The following SNTG2 variants were observed in gnomAD, a reference collection of about 807,000 sequenced individuals.
The protein encoded by SNTG2 is syntrophin gamma 2.
In SNTG2, 74 loss-of-function variants were observed where a neutral mutation model predicts 70.9. The ratio of observed to expected loss-of-function variants is 1.04; its 90% CI spans 0.86 to 1.27. SNTG2 has a LOEUF of 1.27. SNTG2 is among the 50% of genes most tolerant of loss of function. The pLI, the probability that SNTG2 is intolerant of heterozygous loss-of-function variation, is 0.00. For synonymous variants in SNTG2, 278 were observed against 273.8 expected (o/e 1.02, Z -0.15); for missense variants, 717 against 690.7 (o/e 1.04, Z -0.43).
chr2:1,200,179 A>C (rs1427374232), intron 8 of SNTG2, among the ~76,000 whole-genome samples: 3 of 152,006 alleles, frequency 2.0e-5, no homozygotes, highest in African/African-American at 7.2e-5. Context: ...CACAGAGACC[A>C]ATAAAATATA....
chr2:1,179,688 A>C (rs1671729007), intron 8 of SNTG2, among the ~76,000 whole-genome samples: 1 of 151,858 alleles, frequency 6.6e-6, no homozygotes, highest in East Asian at 1.9e-4. Context: ...GCTACCAATG[A>C]CTTTCTTCAC....
intron 1 of SNTG2, among the ~76,000 whole-genome samples, chr2:1,019,814 C>T (rs183810363): frequency 2.9e-3 from 437 of 151,972 alleles, no homozygotes; most frequent in African/African-American, 0.01. Context: ...TTTGGGAGGC[C>T]GAGGCAGGTG....
chr2:1,025,617 G>A (rs887329655), intron 1 of SNTG2, among the ~76,000 whole-genome samples: 27 of 152,164 alleles, frequency 1.8e-4, no homozygotes, highest in African/African-American at 5.3e-4. Flanking sequence ...TCCTGGCTAC[G>A]TCCTCCATCT....
intron 1 of SNTG2, among the ~76,000 whole-genome samples, chr2:953,978 G>A (rs961173360): frequency 1.3e-5 from 2 of 152,022 alleles, no homozygotes; most frequent in African/African-American, 2.4e-5. Flanking sequence ...TGCAGTTCTC[G>A]GTGACAGAGG....
intron 13 of SNTG2, among the ~76,000 whole-genome samples, chr2:1,264,143 C>T (rs981196572): frequency 2.6e-5 from 4 of 152,132 alleles, no homozygotes; most frequent in Admixed American, 6.5e-5. Flanking sequence ...TTAGAGATGT[C>T]GTGAATTCAT....
intron 1 of SNTG2, among the ~76,000 whole-genome samples, chr2:978,721 A>G (rs149851063): frequency 5.3e-5 from 8 of 152,286 alleles, no homozygotes; most frequent in Non-Finnish European, 8.8e-5. Flanking sequence ...AATGTGTGCA[A>G]TAAGCGGATG....
intron 1 of SNTG2, among the ~76,000 whole-genome samples, chr2:976,907 T>C (rs1170968230): frequency 1.3e-5 from 2 of 152,178 alleles, no homozygotes; most frequent in Non-Finnish European, 2.9e-5. Context: ...AGAGGCAGCC[T>C]CAGCCAAGGC....
intron 13 of SNTG2, among the ~76,000 whole-genome samples, chr2:1,266,107 G>C (rs1375703757): frequency 6.6e-6 from 1 of 152,022 alleles, no homozygotes; most frequent in Non-Finnish European, 1.5e-5. Flanking sequence ...ATAAAATAGA[G>C]AAACAGAATG....
intron 14 of SNTG2, among the ~76,000 whole-genome samples, chr2:1,269,231 C>T (rs955069328): frequency 2.6e-5 from 4 of 152,062 alleles, no homozygotes; most frequent in Non-Finnish European, 4.4e-5. Context: ...AGTCTGCGCA[C>T]GGTGGTTCAT....
At chr2:1,348,956 G>A (rs968546577) in intron 16 of SNTG2, among the ~76,000 whole-genome samples, 1 of 152,210 alleles carries the variant, frequency 6.6e-6, no homozygotes, top group Non-Finnish European at 1.5e-5. Flanking sequence ...GCACAAAACA[G>A]CCAATACAAT....
chr2:1,257,329 G>C (rs1678177584), intron 12 of SNTG2, among the ~76,000 whole-genome samples: 1 of 152,172 alleles, frequency 6.6e-6, no homozygotes, highest in Admixed American at 6.5e-5. Context: ...AATTGTGTGT[G>C]GACTGCGCCT....
intron 8 of SNTG2, among the ~76,000 whole-genome samples, chr2:1,199,050 T>G (rs980290978): frequency 5.9e-5 from 9 of 151,294 alleles, no homozygotes; most frequent in Non-Finnish European, 1.2e-4. Flanking sequence ...CATTACGTAA[T>G]GCAAAAACCA....
At chr2:1,067,865 A>G (rs951078824) in intron 1 of SNTG2, among the ~76,000 whole-genome samples, 4 of 152,146 alleles carry the variant, frequency 2.6e-5, no homozygotes, top group African/African-American at 7.2e-5. Flanking sequence ...CGCAAACCCC[A>G]GGGACAGTGC....
intron 4 of SNTG2, 118 bp from the exon 5 acceptor site, chr2:1,137,504 A>G: frequency 1.1e-6 from 1 of 879,360 alleles, no homozygotes. Flanking sequence ...GGACACATGC[A>G]CACACACACA....
intron 8 of SNTG2, among the ~76,000 whole-genome samples, chr2:1,178,326 C>G (rs1309599067): frequency 2.0e-5 from 3 of 152,182 alleles, no homozygotes; most frequent in Non-Finnish European, 2.9e-5. Flanking sequence ...CTGGCCAGAA[C>G]TTCCAACACT....
intron 6 of SNTG2, among the ~76,000 whole-genome samples, chr2:1,157,407 C>A (rs1254462750): frequency 6.6e-6 from 1 of 152,200 alleles, no homozygotes; most frequent in Admixed American, 6.5e-5. Context: ...GTGGCTTGTG[C>A]GTACTTGGCA....
chr2:1,152,081 T>G (rs1558461182), intron 6 of SNTG2, among the ~76,000 whole-genome samples: 1 of 152,218 alleles, frequency 6.6e-6, no homozygotes, highest in African/African-American at 2.4e-5. Context: ...ACACATCATG[T>G]GTAGTTCTGG....
intron 9 of SNTG2, among the ~76,000 whole-genome samples, chr2:1,220,492 T>C (rs1674681343): frequency 6.6e-6 from 1 of 152,196 alleles, no homozygotes; most frequent in African/African-American, 2.4e-5. Flanking sequence ...CTCATGTCCC[T>C]GGAGAGCCCC....
intron 8 of SNTG2, among the ~76,000 whole-genome samples, chr2:1,175,748 C>T (rs1025732469): frequency 6.6e-5 from 10 of 152,144 alleles, no homozygotes; most frequent in African/African-American, 2.2e-4. Flanking sequence ...TGCAGTTATC[C>T]TCAGGGTTTT....
Sources: gnomAD v4.1 joint callset for allele counts (sites outside exome capture counted in the v4.1 genomes callset) on GRCh38, gnomAD v4.1.1 for gene constraint, MANE v1.5 for transcripts, NCBI Gene and HGNC (gene_info 2026-07-23, HGNC 2026-07-21) for gene names.